SPTLC3: variants seen among roughly 807,000 people sequenced by gnomAD.
SPTLC3 encodes the protein serine palmitoyltransferase long chain base subunit 3, also known as serine palmitoyltransferase 3.
Under a neutral mutation model 59.3 loss-of-function variants are expected in SPTLC3, and 36 were observed. The ratio of observed to expected loss-of-function variants is 0.61; its 90% confidence interval spans 0.47 to 0.80. SPTLC3 has a LOEUF of 0.80. Ranked by LOEUF, SPTLC3 falls within the 30% of genes least tolerant of loss-of-function variation. The pLI, the probability that SPTLC3 is intolerant of heterozygous loss-of-function variation, is 0.00. For synonymous variants in SPTLC3, 257 were observed against 240.8 expected (o/e 1.07, Z -0.62); for missense variants, 625 against 685.1 (o/e 0.91, Z 0.98).
intron 7 of SPTLC3, 76 bp downstream of exon 7, chr20:13,110,293 C>G: frequency 8.3e-7 from 1 of 1,206,916 alleles, no homozygotes; most frequent in Non-Finnish European, 1.2e-6. Flanking sequence ...GCTCACCTTT[C>G]CTAGCTAAAC....
intron 9 of SPTLC3, among the ~76,000 whole-genome samples, chr20:13,132,171 ATTTT>A (rs35718222): frequency 0.021 from 2,177 of 103,938 alleles, 27 homozygotes; most frequent in South Asian, 0.033. Flanking sequence ...CCTTGCTTTA[ATTTT>A]TTTTTTTTTT....
At chr20:13,057,206 T>C (rs968858811) in intron 2 of SPTLC3, among the ~76,000 whole-genome samples, 2 of 152,174 alleles carry the variant, frequency 1.3e-5, no homozygotes, top group South Asian at 2.1e-4. Context: ...ATTATTCTAT[T>C]CTAAAAGCTG....
intron 8 of SPTLC3, among the ~76,000 whole-genome samples, chr20:13,125,671 CCTT>C (rs2037971581): frequency 6.6e-6 from 1 of 152,184 alleles, no homozygotes; most frequent in Admixed American, 6.5e-5. Flanking sequence ...CTGGAATGGT[CCTT>C]CTCTGTTCCA....
At chr20:13,059,802 G>A (rs979360026) in intron 2 of SPTLC3, among the ~76,000 whole-genome samples, 10 of 152,078 alleles carry the variant, frequency 6.6e-5, no homozygotes, top group African/African-American at 1.7e-4. Context: ...TCATTCTCCT[G>A]TTATATTTCA....
intron 2 of SPTLC3, among the ~76,000 whole-genome samples, chr20:13,068,761 A>AAC (rs1555790941): frequency 6.6e-6 from 1 of 151,202 alleles, no homozygotes; most frequent in Non-Finnish European, 1.5e-5. Context: ...AAAAAAAAAA[A>AAC]AACAACAACA....
chr20:13,058,101 C>T (rs1014537887), intron 2 of SPTLC3, among the ~76,000 whole-genome samples: 1 of 152,034 alleles, frequency 6.6e-6, no homozygotes, highest in Non-Finnish European at 1.5e-5. Flanking sequence ...ACATTTCTGG[C>T]CCATCTTCAG....
chr20:13,014,756 T>C (rs1985435600), intron 1 of SPTLC3, among the ~76,000 whole-genome samples: 1 of 147,602 alleles, frequency 6.8e-6, no homozygotes, highest in South Asian at 2.1e-4. Context: ...ATCTGGGAGA[T>C]GGCGTACAAC....
intron 4 of SPTLC3, among the ~76,000 whole-genome samples, chr20:13,083,202 T>G (rs1988898189): frequency 6.6e-6 from 1 of 152,170 alleles, no homozygotes; most frequent in Non-Finnish European, 1.5e-5. Context: ...GTCCAGGAGT[T>G]TATCCAGACT....
chr20:13,071,586 G>A (rs565656910), intron 2 of SPTLC3, among the ~76,000 whole-genome samples: 24 of 152,232 alleles, frequency 1.6e-4, no homozygotes, highest in Admixed American at 5.2e-4. Context: ...AATGAGCGCC[G>A]GCAATGAGCT....
intron 9 of SPTLC3, among the ~76,000 whole-genome samples, chr20:13,128,923 C>G (rs112284841): frequency 2.7e-4 from 39 of 146,204 alleles, no homozygotes; most frequent in African/African-American, 1.0e-3. Context: ...GTCACCCAAG[C>G]TGGAGTACAA....
At chr20:13,102,948 C>G (rs1281845462) in intron 6 of SPTLC3, among the ~76,000 whole-genome samples, 1 of 152,132 alleles carries the variant, frequency 6.6e-6, no homozygotes, top group Non-Finnish European at 1.5e-5. Flanking sequence ...CTGTCCCTAG[C>G]ACCTGCCTCA....
In SPTLC3 at chr20:13,118,457, AAAC is replaced by A. The variant is rs1195854471; in HGVS notation, c.1152+735_1152+737del. 1.5e-3 allele frequency among the ~76,000 whole-genome samples: 224 copies of A among 151,466 alleles called. 5 individuals are homozygous for A. The highest frequency in any genetic ancestry group is 4.2e-3 in the African/African-American group (175 of 41,376). ...TCACCAAGAGGTTTGTGGAAAAAAA[AAAC>A]AAAAAAAAACAATAAATATTTGAGA... On this transcript the variant is annotated intron_variant, in intron 8 of 11. Coordinates refer to ENST00000399002, the MANE Select transcript of SPTLC3 (RefSeq NM_018327.4).
intron 9 of SPTLC3, among the ~76,000 whole-genome samples, chr20:13,128,306 G>T (rs2038040540): frequency 6.6e-6 from 1 of 152,226 alleles, no homozygotes; most frequent in Non-Finnish European, 1.5e-5. Context: ...TCCTGGATTA[G>T]TCAGGATAAG....
chr20:13,115,128 T>C (rs1039728892), intron 7 of SPTLC3, among the ~76,000 whole-genome samples: 12 of 152,224 alleles, frequency 7.9e-5, no homozygotes, highest in Non-Finnish European at 8.8e-5. Context: ...TTCTGTATCA[T>C]TTTTGGCACT....
intron 1 of SPTLC3, among the ~76,000 whole-genome samples, chr20:13,021,385 T>C (rs911869324): frequency 6.6e-6 from 1 of 152,196 alleles, no homozygotes; most frequent in Non-Finnish European, 1.5e-5. Flanking sequence ...TTAACTTGTT[T>C]AAGTTTGCTT....
chr20:13,117,560 C>A lies in SPTLC3; in HGVS notation c.987C>A (p.Tyr329Ter). The A allele has an allele frequency of 6.2e-7, 1 of 1,610,610 alleles. No individual in the cohort carries two copies. The highest frequency in any genetic ancestry group is 8.5e-7 in the Non-Finnish European group (1 of 1,178,386). Residue 329 changes from tyrosine (Y) to a stop codon, truncating the protein, a stop_gained, in exon 8 of 12, where the codon TAC (tyrosine) becomes TAA (stop). Coordinates refer to ENST00000399002, the MANE Select transcript of SPTLC3 (RefSeq NM_018327.4). LOFTEE classifies it high-confidence loss of function. ...LPQIIALKKKYKAYLYIDEAH... is the reference protein window; with the variant it reads ...LPQIIALKKK Reference sequence around the variant, plus strand: ...AGATCATAGCTCTAAAGAAGAAATACAAGGCTTACCTCTACATAGATGAAG... The same window carrying A: ...AGATCATAGCTCTAAAGAAGAAATAAAAGGCTTACCTCTACATAGATGAAG...
rs1012779232 is a variant in SPTLC3 at position 13,009,196 on chromosome 20, C to T, written c.-72C>T. Reference sequence around the variant, plus strand: ...CCCAAAGAGCTTTATCCCATCCCCTCGCAGACTGAAAACTAAAGCCTGCAG... The same window carrying T: ...CCCAAAGAGCTTTATCCCATCCCCTTGCAGACTGAAAACTAAAGCCTGCAG... On this transcript the variant is annotated 5_prime_UTR_variant, in exon 1 of 12. Transcript: ENST00000399002. The T allele has an allele frequency of 3.3e-5, 41 of 1,244,384 alleles. No individual in the cohort carries two copies. The highest frequency in any genetic ancestry group is 2.2e-4 in the Middle Eastern group (1 of 4,494). The allele number at this position is 1,244,384 out of a possible 1,614,324, so 77.1% of individuals were successfully genotyped here. A position where few individuals can be genotyped will look rare whatever the true frequency, so the allele number is the denominator to read the frequency against.
chr20:13,154,195 C>T, intron 10 of SPTLC3, 57 bp downstream of exon 10: 1 of 1,601,012 alleles, frequency 6.2e-7, no homozygotes, highest in Non-Finnish European at 8.5e-7. Flanking sequence ...CCTAAGATGG[C>T]TTTTTGGCAC....
At chr20:13,093,719 G>A (rs1000170690) in intron 6 of SPTLC3, 142 bp downstream of exon 6, 5 of 690,608 alleles carry the variant, frequency 7.2e-6, no homozygotes, top group African/African-American at 3.6e-5. Context: ...CTCCTGGCTT[G>A]TTAACCTCTG....
Sources: gnomAD v4.1 joint callset for allele counts (sites outside exome capture counted in the v4.1 genomes callset) on GRCh38, gnomAD v4.1.1 for gene constraint, MANE v1.5 for transcripts, NCBI Gene and HGNC (gene_info 2026-07-23, HGNC 2026-07-21) for gene names.